The following BIRC2 variants were observed in gnomAD, a reference collection of about 807,000 sequenced individuals.
The protein encoded by BIRC2 is baculoviral IAP repeat-containing protein 2.
Under a neutral mutation model 60.9 loss-of-function variants are expected in BIRC2, and 18 were observed. That is an observed-to-expected ratio of 0.30 (90% CI 0.20 to 0.44). The LOEUF is 0.44. Ranked by LOEUF, BIRC2 falls within the 20% of genes least tolerant of loss-of-function variation. BIRC2 has a pLI of 1.00. For missense variants in BIRC2, 701 were observed against 728.5 expected (o/e 0.96, Z 0.43); for synonymous variants, 282 against 247.7 (o/e 1.14, Z -1.30).
intron 1 of BIRC2, 195 bp from the exon 2 acceptor site, chr11:102,348,402 TG>T (rs982182042): frequency 4.4e-5 from 7 of 158,286 alleles, no homozygotes; most frequent in African/African-American, 1.7e-4. Context: ...GTTAGTGCTA[TG>T]GGGAGTATGT....
At chr11:102,372,528 GAGAT>G (rs1164027829) in intron 6 of BIRC2, among the ~76,000 whole-genome samples, 23 of 152,086 alleles carry the variant, frequency 1.5e-4, no homozygotes, top group Non-Finnish European at 3.1e-4. Context: ...TGTGGTCTGA[GAGAT>G]AGTTTGTTAT....
In BIRC2 at chr11:102,350,654, A is replaced by C. The variant is rs774978383; in HGVS notation, c.800A>C (p.Gln267Pro). 9.9e-6 allele frequency: 16 copies of C among 1,614,062 alleles called. No homozygotes were observed. The highest frequency in any genetic ancestry group is 1.4e-5 in the Non-Finnish European group (16 of 1,180,044). ...TTTAGCATTTCAAATCTGAGCATGCAGACACATGCAGCTCGAATGAGAACA... is the reference window on the plus strand; with the variant it reads ...TTTAGCATTTCAAATCTGAGCATGCCGACACATGCAGCTCGAATGAGAACA... ...LRFSISNLSM[Q>P]THAARMRTFM... Residue 267 changes from glutamine (Q) to proline (P), a missense_variant, in exon 2 of 9, where the codon CAG becomes CCG. Around this residue, in one of 4 missense-constraint regions of BIRC2, gnomAD observed 375 missense variants for 365.9 expected, o/e 1.02. Coordinates refer to ENST00000227758, the MANE Select transcript of BIRC2 (RefSeq NM_001166.5).
At chr11:102,359,262 T>G (rs1198081272) in intron 3 of BIRC2, among the ~76,000 whole-genome samples, 1 of 152,212 alleles carries the variant, frequency 6.6e-6, no homozygotes, top group Non-Finnish European at 1.5e-5. Flanking sequence ...ATATTTTATG[T>G]TTTTGATGTC....
At chr11:102,352,132 G>C (rs77411991) in intron 3 of BIRC2, among the ~76,000 whole-genome samples, 1 of 84,832 alleles carries the variant, frequency 1.2e-5, no homozygotes, top group Non-Finnish European at 2.4e-5. Flanking sequence ...TGTTTTTTTT[G>C]AGACGGAGTC....
At chr11:102,354,948 T>G (rs888694344) in intron 3 of BIRC2, among the ~76,000 whole-genome samples, 6 of 150,306 alleles carry the variant, frequency 4.0e-5, no homozygotes, top group Non-Finnish European at 5.9e-5. Context: ...ATTTGGGTTT[T>G]TTTTTTTTTT....
In BIRC2 at chr11:102,350,444, C is replaced by G. The variant is rs1013822433; in HGVS notation, c.590C>G (p.Thr197Ser). 1 of 1,614,082 alleles carries G rather than the reference C, an allele frequency of 6.2e-7. No homozygotes were observed. The highest frequency in any genetic ancestry group is 1.3e-5 in the African/African-American group (1 of 74,922). Reference sequence around the variant, plus strand: ...CTTACCTACCATATGTGGCCATTAACTTTTTTGTCACCATCAGAATTGGCA... The same window carrying G: ...CTTACCTACCATATGTGGCCATTAAGTTTTTTGTCACCATCAGAATTGGCA... ...RFLTYHMWPL[T>S]FLSPSELARA... Residue 197 changes from threonine (T) to serine (S), a missense_variant, in exon 2 of 9, where the codon ACT becomes AGT. Physicochemically the swap from Thr to Ser is moderately conservative, Grantham distance 58. Transcript: ENST00000227758.
chr11:102,351,119 C>T (rs1206351516), intron 3 of BIRC2, among the ~76,000 whole-genome samples, 176 bp downstream of exon 3: 1 of 152,212 alleles, frequency 6.6e-6, no homozygotes, highest in African/African-American at 2.4e-5. Flanking sequence ...AAATATTCTG[C>T]AGTCTTCTGT....
chr11:102,349,964 A>C lies in BIRC2; in HGVS notation c.110A>C (p.Gln37Pro), dbSNP rs899855245. Reference protein sequence around the residue: ...ILSDWTNSNKQKMKYDFSCEL... With the variant: ...ILSDWTNSNKPKMKYDFSCEL... ...TCAGATTGGACAAACAGCAACAAAC[A>C]AAAAATGAAGTATGACTTTTCCTGT... The change falls in exon 2 of 9, where the codon CAA (glutamine) becomes CCA (proline). Residue 37 changes from glutamine to proline, a missense_variant. By Grantham distance (76) the Gln-to-Pro change is moderately conservative. Coordinates refer to ENST00000227758, the MANE Select transcript of BIRC2 (RefSeq NM_001166.5). 3.1e-6 allele frequency: 5 copies of C among 1,614,094 alleles called. No individual in the cohort carries two copies. Among genetic ancestry groups the C allele is most frequent in the Admixed American group, 1.7e-5 (1 of 60,002 alleles).
intron 6 of BIRC2, among the ~76,000 whole-genome samples, chr11:102,376,874 G>C (rs928931839): frequency 6.6e-6 from 1 of 152,150 alleles, no homozygotes; most frequent in East Asian, 1.9e-4. Context: ...GTATGGGGAA[G>C]GATGAGGACA....
At position 102,377,985 on chromosome 11, in the gene BIRC2, A is replaced by C. The variant is rs765492965; in HGVS notation, c.1664-5A>C. 5.0e-6 allele frequency: 8 copies of C among 1,604,488 alleles called. No individual in the cohort carries two copies. Among genetic ancestry groups the C allele is most frequent in the Non-Finnish European group, 6.8e-6 (8 of 1,176,926 alleles). On this transcript the variant is annotated splice_region_variant and splice_polypyrimidine_tract_variant and intron_variant, in intron 8 of 8. Transcript: ENST00000227758. ...AATTTCACTAAAGTTATTTTTTGTT[A>C]TTAGGTCTGTCACTGGAAGAACAAT...
At chr11:102,375,480 T>C (rs1951700469) in intron 6 of BIRC2, among the ~76,000 whole-genome samples, 1 of 152,152 alleles carries the variant, frequency 6.6e-6, no homozygotes, top group Non-Finnish European at 1.5e-5. Context: ...AACAGATTTG[T>C]GTTTAAATTC....
chr11:102,376,970 C>T (rs1026747768), intron 6 of BIRC2, among the ~76,000 whole-genome samples: 3 of 151,840 alleles, frequency 2.0e-5, no homozygotes, highest in Non-Finnish European at 4.4e-5. Flanking sequence ...TACAATACCA[C>T]GTCTTAAGTA....
At chr11:102,355,999 C>T (rs1208188140) in intron 3 of BIRC2, among the ~76,000 whole-genome samples, 1 of 152,042 alleles carries the variant, frequency 6.6e-6, no homozygotes, top group African/African-American at 2.4e-5. Flanking sequence ...TTTTTGGTGG[C>T]ATCTTTAGGG....
At chr11:102,364,322 A>T (rs1323330801) in intron 5 of BIRC2, among the ~76,000 whole-genome samples, 1 of 151,516 alleles carries the variant, frequency 6.6e-6, no homozygotes, top group Admixed American at 6.6e-5. Context: ...AGACATAAGC[A>T]AAAGAAAAAC....
At chr11:102,365,742 A>ATG (rs1951545724) in intron 5 of BIRC2, among the ~76,000 whole-genome samples, 1 of 134,016 alleles carries the variant, frequency 7.5e-6, no homozygotes, top group Non-Finnish European at 1.7e-5. Flanking sequence ...ACATTCAGCT[A>ATG]AGTGTGTGTG....
In BIRC2 at chr11:102,350,835, T is replaced by A. The variant is rs1250656222; in HGVS notation, c.896-9T>A. On this transcript the variant is annotated splice_polypyrimidine_tract_variant and intron_variant, in intron 2 of 8. Coordinates refer to ENST00000227758, the MANE Select transcript of BIRC2 (RefSeq NM_001166.5). ...GTGTTTTCAATATTTAGTCTTTTTTTTCCTGAAGGTCGCAATGATGATGTC... is the reference window on the plus strand; with the variant it reads ...GTGTTTTCAATATTTAGTCTTTTTTATCCTGAAGGTCGCAATGATGATGTC... 1 of 1,612,172 alleles carries A rather than the reference T, an allele frequency of 6.2e-7. No individual in the cohort carries two copies. The highest frequency in any genetic ancestry group is 8.5e-7 in the Non-Finnish European group (1 of 1,179,550).
chr11:102,371,706 C>T (rs1951634026), intron 6 of BIRC2, among the ~76,000 whole-genome samples: 1 of 147,384 alleles, frequency 6.8e-6, no homozygotes, highest in Non-Finnish European at 1.5e-5. Context: ...AGGATTCCCT[C>T]TTTTTCTATT....
chr11:102,366,747 C>G (rs1951557302), intron 5 of BIRC2, among the ~76,000 whole-genome samples: 1 of 152,082 alleles, frequency 6.6e-6, no homozygotes, highest in South Asian at 2.1e-4. Flanking sequence ...TCTGGTTTAC[C>G]CCATTAAAGT....
rs1205997781 is a variant in BIRC2 at position 102,368,444 on chromosome 11, G to C, written c.1262G>C (p.Gly421Ala). ...QTVQSKILTT[G>A]ENYKTVNDIV... ...GTTCAAAGTAAAATCCTGACAACTG[G>C]AGAGAACTATAAAACAGTTAATGAT... The change falls in exon 6 of 9, where the codon GGA becomes GCA. Residue 421 changes from glycine (G) to alanine (A), a missense_variant. Around this residue, in one of 4 missense-constraint regions of BIRC2, gnomAD observed 235 missense variants for 208.9 expected, o/e 1.12. Coordinates refer to ENST00000227758, the MANE Select transcript of BIRC2 (RefSeq NM_001166.5). The C allele has an allele frequency of 2.5e-6, 4 of 1,613,844 alleles. No homozygotes were observed. In the Admixed American group the frequency reaches 6.7e-5, roughly 27 times the overall value.
Sources: allele counts gnomAD v4.1 joint callset (sites outside exome capture counted in the v4.1 genomes callset), GRCh38; gene constraint gnomAD v4.1.1; regional missense constraint gnomAD v4.1.1; transcripts MANE v1.5; gene names NCBI Gene and HGNC (gene_info 2026-07-23, HGNC 2026-07-21).